The following NCOR2 variants were observed in gnomAD, a reference collection of about 807,000 sequenced individuals.
NCOR2 encodes nuclear receptor corepressor 2.
Under a neutral mutation model 262.9 loss-of-function variants are expected in NCOR2, and 81 were observed. The observed-to-expected ratio is 0.31, with a 90% CI of 0.26 to 0.37. The LOEUF is 0.37. Among genes scored for constraint, NCOR2 ranks in the 10% least tolerant of loss-of-function variants. The pLI is 1.00. For missense variants in NCOR2, 3,385 were observed against 3,621.4 expected (o/e 0.93, Z 1.68); for synonymous variants, 1,659 against 1,559.3 (o/e 1.06, Z -1.51).
chr12:124,459,787 G>T (rs911868579), intron 5 of NCOR2, among the ~76,000 whole-genome samples: 1 of 152,046 alleles, frequency 6.6e-6, no homozygotes, highest in Non-Finnish European at 1.5e-5. Flanking sequence ...TCACCTCCTC[G>T]GCTGCTGTCT....
chr12:124,509,247 G>GA (rs2137008653), intron 1 of NCOR2, among the ~76,000 whole-genome samples: 1 of 151,244 alleles, frequency 6.6e-6, no homozygotes, highest in Non-Finnish European at 1.5e-5. Flanking sequence ...GGGGGGGGGG[G>GA]GGCTTAACTC....
At chr12:124,349,668 C>T (rs2037267393) in intron 28 of NCOR2, among the ~76,000 whole-genome samples, 1 of 152,086 alleles carries the variant, frequency 6.6e-6, no homozygotes, top group African/African-American at 2.4e-5. Context: ...TTAAAGGCCC[C>T]GACTGAAACC....
At chr12:124,499,889 G>C (rs2048601689), upstream of NCOR2, among the ~76,000 whole-genome samples, 1 of 152,104 alleles carries the variant, frequency 6.6e-6, no homozygotes, top group Non-Finnish European at 1.5e-5. Context: ...CCAAGAGAGG[G>C]GACACTGGGG....
intron 16 of NCOR2, among the ~76,000 whole-genome samples, chr12:124,391,543 C>G (rs894556279): frequency 2.0e-5 from 3 of 152,186 alleles, no homozygotes; most frequent in Non-Finnish European, 4.4e-5. Flanking sequence ...CGCATTGACA[C>G]CCTTGACAGG....
chr12:124,566,607 T>C lies in NCOR2; in HGVS notation c.-165+701A>G, dbSNP rs1335490263. Reference sequence around the variant, plus strand: ...GTGGGATCAGCTCTGAATTCCAACTTCGCAAAGTAGTGGCATCCCAAGTAT... The same window carrying C: ...GTGGGATCAGCTCTGAATTCCAACTCCGCAAAGTAGTGGCATCCCAAGTAT... On this transcript the variant is annotated intron_variant, in intron 1 of 32. Transcript: ENST00000458234. The surrounding 1 kb of genome is among the most constrained non-coding windows in gnomAD (Gnocchi z 4.3). Among the ~76,000 whole-genome samples the C allele has an allele frequency of 2.0e-5, 3 of 152,190 alleles. No individual in the cohort carries two copies. Among genetic ancestry groups the C allele is most frequent in the South Asian group, 2.1e-4 (1 of 4,836 alleles).
chr12:124,430,579 C>T (rs1228065199), intron 9 of NCOR2, 36 bp downstream of exon 11: 6 of 1,576,034 alleles, frequency 3.8e-6, no homozygotes, highest in South Asian at 1.2e-5. Context: ...ACCCCGGGCC[C>T]TGACGTCGGG....
At chr12:124,332,326 A>G (rs1250847776) in exon 43 of NCOR2, 1 of 1,614,078 alleles carries the variant, frequency 6.2e-7, no homozygotes, top group Admixed American at 1.7e-5. Flanking sequence ...TACTGTATTC[A>G]GGCTCATTCC....
At chr12:124,372,830 C>T (rs2039609190) in intron 19 of NCOR2, among the ~76,000 whole-genome samples, 1 of 152,166 alleles carries the variant, frequency 6.6e-6, no homozygotes, top group Non-Finnish European at 1.5e-5. Context: ...GGCCGCCTTT[C>T]TCCCAGACTG....
At chr12:124,430,632 C>G in exon 9 of NCOR2, 1 of 1,613,152 alleles carries the variant, frequency 6.2e-7, no homozygotes, top group East Asian at 2.2e-5. Flanking sequence ...TGCGCTCCTG[C>G]AGCTCGCGCT....
Position 124,504,827 on chromosome 12 carries a change from A to G in NCOR2, c.-117-9459T>C, listed in dbSNP as rs2048957302. Reference sequence around the variant, plus strand: ...TCCATTAACTTCACAGGAGGGGCAGATTCCCAGGACAGAACAAAGGCCCGA... The same window carrying G: ...TCCATTAACTTCACAGGAGGGGCAGGTTCCCAGGACAGAACAAAGGCCCGA... On this transcript the variant is annotated intron_variant, in intron 1 of 46. Coordinates refer to the NCOR2 transcript ENST00000404621. This position sits in a 1 kb window ranked among gnomAD's most constrained non-coding sequence, Gnocchi z 4.5. 6.6e-6 allele frequency among the ~76,000 whole-genome samples: 1 copy of G among 152,204 alleles called. No individual in the cohort carries two copies. Among genetic ancestry groups the G allele is most frequent in the African/African-American group, 2.4e-5 (1 of 41,460 alleles).
intron 16 of NCOR2, among the ~76,000 whole-genome samples, chr12:124,392,496 G>A (rs1256189798): frequency 6.6e-6 from 1 of 152,066 alleles, no homozygotes; most frequent in East Asian, 1.9e-4. Flanking sequence ...CCCCTCCTGA[G>A]TCACACAGCT....
intron 20 of NCOR2, among the ~76,000 whole-genome samples, chr12:124,367,226 C>T (rs555268662): frequency 6.6e-6 from 1 of 152,072 alleles, no homozygotes; most frequent in Non-Finnish European, 1.5e-5. Context: ...AGGGGGTGAG[C>T]GGGGGCAGGG....
At chr12:124,528,529 A>G (rs1467925740) in intron 1 of NCOR2, among the ~76,000 whole-genome samples, 1 of 152,186 alleles carries the variant, frequency 6.6e-6, no homozygotes, top group Non-Finnish European at 1.5e-5. Context: ...GTTTTGCCCA[A>G]GACAACAGGA....
At chr12:124,561,131 A>G (rs957998372) in intron 1 of NCOR2, among the ~76,000 whole-genome samples, 4 of 152,146 alleles carry the variant, frequency 2.6e-5, no homozygotes, top group Admixed American at 1.3e-4. Flanking sequence ...GTTTTTCCAC[A>G]TGAGCTCAGC....
intron 28 of NCOR2, among the ~76,000 whole-genome samples, chr12:124,349,695 C>T (rs1021296883): frequency 2.0e-5 from 3 of 152,282 alleles, no homozygotes; most frequent in Non-Finnish European, 4.4e-5. Flanking sequence ...GAAGACGATA[C>T]GCTGAAGGCC....
At chr12:124,492,327 C>T (rs994622522) in intron 1 of NCOR2, among the ~76,000 whole-genome samples, 8 of 152,196 alleles carry the variant, frequency 5.3e-5, no homozygotes, top group Admixed American at 4.6e-4. Flanking sequence ...GGCCGTTCCA[C>T]GTGGCTGTGA....
intron 41 of NCOR2, among the ~76,000 whole-genome samples, chr12:124,333,526 G>C (rs986558456): frequency 6.6e-6 from 1 of 151,896 alleles, no homozygotes; most frequent in African/African-American, 2.4e-5. Context: ...CAGAGGGCCC[G>C]GGCTAGATCT....
chr12:124,438,669 T>A (rs1035999501), intron 7 of NCOR2, among the ~76,000 whole-genome samples: 1 of 97,756 alleles, frequency 1.0e-5, no homozygotes, highest in African/African-American at 2.9e-5. Context: ...GACGGGAGTT[T>A]CAGAGAGAGA....
intron 41 of NCOR2, among the ~76,000 whole-genome samples, chr12:124,333,794 GTGAGCA>G (rs1184166698): frequency 7.2e-5 from 11 of 152,338 alleles, no homozygotes; most frequent in Non-Finnish European, 1.5e-4. Context: ...GGGAGTGTGC[GTGAGCA>G]TGTGCATGTG....
Sources: gnomAD v4.1 joint callset for allele counts (sites outside exome capture counted in the v4.1 genomes callset) on GRCh38, gnomAD v4.1.1 for gene constraint, Gnocchi (gnomAD v3.1) non-coding constraint, MANE v1.5 for transcripts, NCBI Gene and HGNC (gene_info 2026-07-23, HGNC 2026-07-21) for gene names.